Variants in FYN observed in about 807,000 individuals in gnomAD.
FYN encodes the protein tyrosine-protein kinase Fyn.
Under a neutral mutation model 70.2 loss-of-function variants are expected in FYN, and 10 were observed. The observed-to-expected ratio is 0.14, with a 90% CI of 0.09 to 0.24. The LOEUF (loss-of-function observed/expected upper bound fraction) is 0.24, where lower values mean the gene tolerates loss of function less well. Among genes scored for constraint, FYN ranks in the 10% least tolerant of loss-of-function variants. FYN has a pLI of 1.00. For missense variants in FYN, 319 were observed against 673.1 expected (o/e 0.47, Z 5.82); for synonymous variants, 236 against 248.6 (o/e 0.95, Z 0.48).
intron 8 of FYN, among the ~76,000 whole-genome samples, chr6:111,701,486 G>C (rs1219591767): frequency 6.6e-6 from 1 of 152,080 alleles, no homozygotes; most frequent in East Asian, 1.9e-4. Flanking sequence ...CATTTCAAAG[G>C]CATTTTATTG....
intron 13 of FYN, among the ~76,000 whole-genome samples, chr6:111,669,295 C>T (rs961797132): frequency 6.6e-6 from 1 of 151,898 alleles, no homozygotes; most frequent in Admixed American, 6.6e-5. Context: ...ATTAGCCGGG[C>T]GTGGTGGCGG....
chr6:111,760,319 C>T (rs906603174), intron 3 of FYN, among the ~76,000 whole-genome samples: 1 of 152,070 alleles, frequency 6.6e-6, no homozygotes, highest in Non-Finnish European at 1.5e-5. Context: ...CCTCTAATTG[C>T]CTCCACACTC....
At chr6:111,699,363 C>T (rs996461039) in intron 9 of FYN, 14 of 775,962 alleles carry the variant, frequency 1.8e-5, no homozygotes, top group Non-Finnish European at 2.5e-5. Context: ...AGCAAGGTAT[C>T]AGCATATTCT....
intron 1 of FYN, among the ~76,000 whole-genome samples, chr6:111,870,310 T>C (rs1774235551): frequency 1.3e-5 from 2 of 152,130 alleles, no homozygotes; most frequent in Non-Finnish European, 2.9e-5. Context: ...AGCTACAAGA[T>C]AGGGGTGTGG....
At chr6:111,779,612 G>T (rs1771093169) in intron 3 of FYN, among the ~76,000 whole-genome samples, 1 of 152,184 alleles carries the variant, frequency 6.6e-6, no homozygotes, top group African/African-American at 2.4e-5. Flanking sequence ...GGTCACCAGG[G>T]TTGGAGAAGG....
intron 12 of FYN, among the ~76,000 whole-genome samples, chr6:111,691,657 G>T (rs1443829827): frequency 1.3e-5 from 2 of 152,126 alleles, no homozygotes; most frequent in East Asian, 3.9e-4. Context: ...AAACAGCTGG[G>T]TTGTCCCAGT....
intron 12 of FYN, among the ~76,000 whole-genome samples, chr6:111,680,026 G>A (rs1798717968): frequency 6.6e-6 from 1 of 152,188 alleles, no homozygotes; most frequent in Non-Finnish European, 1.5e-5. Flanking sequence ...ATGAATGCAA[G>A]TGACTAGACA....
chr6:111,805,272 C>A (rs540700069), intron 2 of FYN, among the ~76,000 whole-genome samples: 10 of 152,190 alleles, frequency 6.6e-5, no homozygotes, highest in African/African-American at 2.2e-4. Context: ...ATCTTTCTCA[C>A]GGAGCTGTCA....
At chr6:111,699,913 CT>C (rs71021861) in intron 9 of FYN, 190 bp downstream of exon 9, 34,830 of 185,442 alleles carry the variant, frequency 0.19, 1,681 homozygotes, top group African/African-American at 0.26. Flanking sequence ...CACTTACTAT[CT>C]TTTTTTTTTT....
At chr6:111,857,919 T>C (rs1218076387) in intron 1 of FYN, among the ~76,000 whole-genome samples, 1 of 152,196 alleles carries the variant, frequency 6.6e-6, no homozygotes, top group African/African-American at 2.4e-5. Flanking sequence ...CTTGTTCCTT[T>C]GTCATTGGGT....
At chr6:111,736,089 G>C (rs775952040) in intron 3 of FYN, among the ~76,000 whole-genome samples, 1 of 152,146 alleles carries the variant, frequency 6.6e-6, no homozygotes, top group Non-Finnish European at 1.5e-5. Flanking sequence ...CCACTGAAAA[G>C]GGCATGTAAC....
intron 3 of FYN, among the ~76,000 whole-genome samples, chr6:111,748,804 A>G (rs1257176278): frequency 6.6e-6 from 1 of 152,248 alleles, no homozygotes; most frequent in Non-Finnish European, 1.5e-5. Flanking sequence ...TATTAACATT[A>G]CTTTCATGTG....
At chr6:111,859,751 G>T (rs79141359) in intron 1 of FYN, among the ~76,000 whole-genome samples, 11 of 152,170 alleles carry the variant, frequency 7.2e-5, no homozygotes, top group South Asian at 4.2e-4. Context: ...GGTTATAGTG[G>T]GTTCAATGGT....
intron 2 of FYN, among the ~76,000 whole-genome samples, chr6:111,793,172 T>C (rs1462789359): frequency 6.6e-6 from 1 of 152,216 alleles, no homozygotes; most frequent in East Asian, 1.9e-4. Context: ...ACTAAAAGCT[T>C]AGAAGTGCCA....
intron 3 of FYN, among the ~76,000 whole-genome samples, chr6:111,736,925 T>C (rs1236855362): frequency 6.6e-6 from 1 of 152,232 alleles, no homozygotes; most frequent in Non-Finnish European, 1.5e-5. Context: ...AAGAGACTGA[T>C]TATTTATACC....
chr6:111,717,262 A>G (rs1390316239), intron 4 of FYN, among the ~76,000 whole-genome samples: 4 of 152,140 alleles, frequency 2.6e-5, no homozygotes, highest in Non-Finnish European at 5.9e-5. Flanking sequence ...ATTTCTTTTA[A>G]GAACCTCTGA....
intron 9 of FYN, chr6:111,699,502 C>A: frequency 6.2e-7 from 1 of 1,608,864 alleles, no homozygotes; most frequent in East Asian, 2.2e-5. Flanking sequence ...ACAAAATGTG[C>A]CCTCTGCCTT....
chr6:111,757,969 C>CA (rs923711888), intron 3 of FYN, among the ~76,000 whole-genome samples: 6 of 151,312 alleles, frequency 4.0e-5, no homozygotes, highest in Admixed American at 6.6e-5. Context: ...AATGAAGTGA[C>CA]AAAAAAAATG....
chr6:111,779,976 G>C (rs940125394), intron 3 of FYN, among the ~76,000 whole-genome samples: 2 of 152,074 alleles, frequency 1.3e-5, no homozygotes, highest in African/African-American at 4.8e-5. Flanking sequence ...CTAACAACCA[G>C]TAGGTATAGA....
Sources: allele counts gnomAD v4.1 joint callset (sites outside exome capture counted in the v4.1 genomes callset), GRCh38; gene constraint gnomAD v4.1.1; transcripts MANE v1.5; gene names NCBI Gene and HGNC (gene_info 2026-07-23, HGNC 2026-07-21).